Variants in GALK2 observed in about 807,000 individuals in gnomAD.
GALK2 encodes N-acetylgalactosamine kinase.
Under a neutral mutation model 52.4 loss-of-function variants are expected in GALK2, and 36 were observed. That is an observed-to-expected ratio of 0.69 (90% CI 0.53 to 0.91). The LOEUF (loss-of-function observed/expected upper bound fraction) is 0.91. Among genes scored for constraint, GALK2 ranks in the 40% least tolerant of loss-of-function variants. GALK2 has a pLI of 0.00. For missense variants in GALK2, 579 were observed against 559.1 expected (o/e 1.04, Z -0.36); for synonymous variants, 176 against 199.1 (o/e 0.88, Z 0.98).
intron 2 of GALK2, 78 bp downstream of exon 2, chr15:49,201,328 C>A: frequency 1.3e-6 from 1 of 753,028 alleles, no homozygotes; most frequent in Non-Finnish European, 2.1e-6. Context: ...ATATTTCTTT[C>A]TTAATTTTTC....
intron 1 of GALK2, chr15:49,177,718 G>T: frequency 1.3e-6 from 1 of 752,156 alleles, no homozygotes; most frequent in Non-Finnish European, 2.0e-6. Flanking sequence ...TCGGCCTGCA[G>T]ATGTCAGCCC....
chr15:49,345,028 C>T (rs141209787), intron 3 of GALK2, among the ~76,000 whole-genome samples: 2 of 152,266 alleles, frequency 1.3e-5, no homozygotes, highest in East Asian at 3.9e-4. Flanking sequence ...TTACCTGCTA[C>T]TATTTAATTT....
chr15:49,256,243 G>T (rs1359295479), intron 5 of GALK2, among the ~76,000 whole-genome samples: 1 of 152,178 alleles, frequency 6.6e-6, no homozygotes, highest in Non-Finnish European at 1.5e-5. Context: ...AGAGCTCTGT[G>T]TTAGATTAAA....
intron 5 of GALK2, among the ~76,000 whole-genome samples, chr15:49,258,827 T>A (rs71394958): frequency 0.49 from 58,173 of 118,940 alleles, 14,094 homozygotes; most frequent in Non-Finnish European, 0.52. Flanking sequence ...TGTGTGTGTG[T>A]GTGAGAGAGA....
At chr15:49,175,495 C>T (rs1224570122) in intron 1 of GALK2, among the ~76,000 whole-genome samples, 1 of 152,172 alleles carries the variant, frequency 6.6e-6, no homozygotes, top group African/African-American at 2.4e-5. Context: ...GGGACATCTA[C>T]TTAAGTTTCT....
chr15:49,333,233 A>G (rs2039115916), downstream of GALK2, among the ~76,000 whole-genome samples: 1 of 152,174 alleles, frequency 6.6e-6, no homozygotes, highest in African/African-American at 2.4e-5. Flanking sequence ...TACATTCATG[A>G]AGTTTTATAA....
intron 3 of GALK2, among the ~76,000 whole-genome samples, chr15:49,361,925 C>T (rs1437427656): frequency 6.6e-6 from 1 of 151,956 alleles, no homozygotes. Flanking sequence ...TTGACTTTTC[C>T]ATAGTAGCCA....
At chr15:49,192,328 A>G (rs1242151825) in intron 1 of GALK2, among the ~76,000 whole-genome samples, 1 of 151,808 alleles carries the variant, frequency 6.6e-6, no homozygotes, top group African/African-American at 2.4e-5. Context: ...CGCTAGATCA[A>G]CATTTCTAGA....
chr15:49,155,984 A>G (rs2084433561), exon 1 of GALK2: 13 of 1,614,106 alleles, frequency 8.1e-6, no homozygotes, highest in African/African-American at 5.3e-5. Context: ...CCTTTCGCGG[A>G]GAAAAGGCTG....
chr15:49,340,403 G>GCC (rs373386438), intron 3 of GALK2, among the ~76,000 whole-genome samples: 61 of 94,472 alleles, frequency 6.5e-4, no homozygotes, highest in Admixed American at 8.7e-4. Flanking sequence ...GCAGTGCCCC[G>GCC]CCCCCCCCCT....
At chr15:49,351,423 A>G (rs536420308) in intron 3 of GALK2, among the ~76,000 whole-genome samples, 10 of 152,318 alleles carry the variant, frequency 6.6e-5, no homozygotes, top group African/African-American at 2.4e-4. Flanking sequence ...ATGAGATCTT[A>G]CCATAGGACA....
chr15:49,354,336 G>A (rs540526837), intron 3 of GALK2, among the ~76,000 whole-genome samples: 50 of 152,300 alleles, frequency 3.3e-4, no homozygotes, highest in East Asian at 9.7e-4. Flanking sequence ...CTGAGGTACC[G>A]GGTTCATCTC....
At chr15:49,245,138 G>C (rs909239764) in intron 5 of GALK2, among the ~76,000 whole-genome samples, 5 of 152,116 alleles carry the variant, frequency 3.3e-5, no homozygotes, top group African/African-American at 1.2e-4. Context: ...TGAGAAAGGT[G>C]GAGGAGGGTA....
intron 4 of GALK2, among the ~76,000 whole-genome samples, chr15:49,237,634 G>A (rs1017366155): frequency 1.3e-5 from 2 of 151,762 alleles, no homozygotes; most frequent in Non-Finnish European, 2.9e-5. Flanking sequence ...CTGCCACCGC[G>A]CCTGGCTAAT....
chr15:49,282,793 G>T (rs534937743), intron 6 of GALK2, among the ~76,000 whole-genome samples: 88 of 152,244 alleles, frequency 5.8e-4, no homozygotes, highest in African/African-American at 2.1e-3. Flanking sequence ...TTCCTTCTTA[G>T]TAAGAATATT....
chr15:49,262,036 G>T (rs1430880340), intron 5 of GALK2, among the ~76,000 whole-genome samples: 4 of 151,866 alleles, frequency 2.6e-5, no homozygotes, highest in African/African-American at 9.7e-5. Flanking sequence ...TCTCTTTTTT[G>T]GTTGTGTCTC....
At chr15:49,221,759 A>G (rs536191261) in intron 3 of GALK2, among the ~76,000 whole-genome samples, 2 of 151,974 alleles carry the variant, frequency 1.3e-5, no homozygotes, top group East Asian at 3.9e-4. Flanking sequence ...TCCCATTATT[A>G]CTTGTGTCTG....
At chr15:49,243,628 C>CA (rs574894009) in intron 5 of GALK2, among the ~76,000 whole-genome samples, 38 of 150,820 alleles carry the variant, frequency 2.5e-4, no homozygotes, top group South Asian at 4.2e-4. Flanking sequence ...ACCAAACAAA[C>CA]AAAAAAAACA....
chr15:49,340,450 C>T (rs1359557438), intron 3 of GALK2, among the ~76,000 whole-genome samples: 1 of 141,480 alleles, frequency 7.1e-6, no homozygotes, highest in African/African-American at 2.6e-5. Context: ...TTGGGCTGCA[C>T]CCACTGTCCA....
Sources: gnomAD v4.1 joint callset for allele counts (sites outside exome capture counted in the v4.1 genomes callset) on GRCh38, gnomAD v4.1.1 for gene constraint, MANE v1.5 for transcripts, NCBI Gene and HGNC (gene_info 2026-07-23, HGNC 2026-07-21) for gene names.